Variants in CR1 observed in about 807,000 individuals in gnomAD.
CR1 encodes complement C3b/C4b receptor 1 (Knops blood group).
CR1 carries 116 observed loss-of-function variants against 187.3 expected under a neutral mutation model. The ratio of observed to expected loss-of-function variants is 0.62; its 90% confidence interval spans 0.53 to 0.72. The LOEUF is 0.72. Among genes scored for constraint, CR1 ranks in the 30% least tolerant of loss-of-function variants. The pLI, the probability that CR1 is intolerant of heterozygous loss-of-function variation, is 0.00. For missense variants in CR1, 1,731 were observed against 2,110.7 expected (o/e 0.82, Z 3.52); for synonymous variants, 576 against 747.1 (o/e 0.77, Z 3.73).
chr1:207,599,848 A>G (rs1235345745), intron 35 of CR1, among the ~76,000 whole-genome samples: 3 of 152,234 alleles, frequency 2.0e-5, no homozygotes, highest in East Asian at 3.8e-4. Context: ...GGTGGGAGTG[A>G]CAAAATATAC....
Position 207,641,171 on chromosome 1 carries a change from G to A in CR1, c.*1762G>A, listed in dbSNP as rs982237255. ...TTTAGCAAATCTCTTTTATTTCTTGGGATTTTGAAGAAGTAATTTTTAAAG... is the reference window on the plus strand; with the variant it reads ...TTTAGCAAATCTCTTTTATTTCTTGAGATTTTGAAGAAGTAATTTTTAAAG... On this transcript the variant is annotated 3_prime_UTR_variant, in exon 47 of 47. Transcript: ENST00000367049. 9.2e-5 allele frequency: 14 copies of A among 151,978 alleles called. No individual in the cohort carries two copies. Among genetic ancestry groups the A allele is most frequent in the African/African-American group, 3.1e-4 (13 of 41,378 alleles). The allele number at this position is 151,978 out of a possible 1,614,324, so 9.4% of individuals were successfully genotyped here.
intron 32 of CR1, among the ~76,000 whole-genome samples, chr1:207,582,736 A>G (rs1176557985): frequency 6.6e-6 from 1 of 152,154 alleles, no homozygotes; most frequent in Non-Finnish European, 1.5e-5. Context: ...TTCTGGATAT[A>G]TTTTGAAGGT....
At chr1:207,624,648 T>C (rs1662425782) in intron 45 of CR1, among the ~76,000 whole-genome samples, 1 of 152,176 alleles carries the variant, frequency 6.6e-6, no homozygotes, top group Non-Finnish European at 1.5e-5. Context: ...TAAATATCCA[T>C]CCTTCCTAAC....
intron 46 of CR1, among the ~76,000 whole-genome samples, chr1:207,632,755 G>C (rs975544161): frequency 7.2e-6 from 1 of 139,544 alleles, no homozygotes. Context: ...CCGAGATCGC[G>C]CCACTGTACT....
In CR1 at chr1:207,616,728, G is replaced by T. The variant is rs767050487; in HGVS notation, c.6815G>T (p.Arg2272Leu). The T allele has an allele frequency of 6.2e-7, 1 of 1,613,886 alleles. No homozygotes were observed. The highest frequency in any genetic ancestry group is 2.2e-5 in the East Asian group (1 of 44,884). ...TFNLIGESSI[R>L]CTSDPQGNGV... is the part of the protein sequence containing the mutation. ...AACCTCATTGGGGAGAGCTCCATCC[G>T]CTGCACAAGTGACCCTCAAGGGAAT... is the stretch of plus-strand genomic sequence containing the variant. The change falls in exon 41 of 47, where the codon CGC (arginine) becomes CTC (leucine). Residue 2272 changes from arginine to leucine, a missense_variant. This residue lies in a region of CR1 where 1,312 missense variants were observed against 1,379.6 expected (regional missense o/e 0.95). Coordinates refer to ENST00000367049, the MANE Select transcript of CR1 (RefSeq NM_000651.6).
chr1:207,525,041 C>A (rs1477287654), intron 5 of CR1, among the ~76,000 whole-genome samples: 4 of 151,970 alleles, frequency 2.6e-5, no homozygotes, highest in Admixed American at 6.6e-5. Context: ...GCACGCATAT[C>A]TTCATATGCT....
intron 4 of CR1, among the ~76,000 whole-genome samples, chr1:207,520,186 C>T (rs1487931003): frequency 6.6e-6 from 1 of 152,156 alleles, no homozygotes; most frequent in African/African-American, 2.4e-5. Flanking sequence ...ACCCTTAATG[C>T]CCTTTCTAGT....
chr1:207,633,536 C>T (rs1222907521), intron 46 of CR1, among the ~76,000 whole-genome samples: 1 of 152,162 alleles, frequency 6.6e-6, no homozygotes, highest in Non-Finnish European at 1.5e-5. Flanking sequence ...TGCCTGTTAA[C>T]TCTATTGCAT....
At chr1:207,632,231 T>C (rs1199641132) in intron 46 of CR1, among the ~76,000 whole-genome samples, 2 of 152,212 alleles carry the variant, frequency 1.3e-5, no homozygotes, top group Non-Finnish European at 2.9e-5. Context: ...AAATTCAGAA[T>C]TGATATTTTA....
At chr1:207,508,792 C>A (rs1659527736) in intron 3 of CR1, among the ~76,000 whole-genome samples, 1 of 151,886 alleles carries the variant, frequency 6.6e-6, no homozygotes, top group African/African-American at 2.4e-5. Context: ...TACCCCTTTT[C>A]AGGGAGCAAT....
At chr1:207,592,947 C>A (rs1477436735) in intron 35 of CR1, among the ~76,000 whole-genome samples, 1 of 151,854 alleles carries the variant, frequency 6.6e-6, no homozygotes, top group Non-Finnish European at 1.5e-5. Context: ...TAAGCGAGGA[C>A]ACAAACAAAT....
intron 46 of CR1, among the ~76,000 whole-genome samples, chr1:207,638,645 A>C (rs1453496912): frequency 1.3e-5 from 2 of 152,184 alleles, no homozygotes; most frequent in Non-Finnish European, 2.9e-5. Flanking sequence ...TTCCAACCTT[A>C]ATATAAGGCA....
intron 1 of CR1, among the ~76,000 whole-genome samples, chr1:207,504,817 A>T (rs546829209): frequency 1.3e-5 from 2 of 152,286 alleles, no homozygotes; most frequent in Admixed American, 6.5e-5. Context: ...GGGGTCCTCA[A>T]CCCCTGGGCC....
intron 23 of CR1, among the ~76,000 whole-genome samples, chr1:207,564,531 G>T (rs1660428937): frequency 6.7e-6 from 1 of 150,274 alleles, no homozygotes; most frequent in African/African-American, 2.5e-5. Context: ...CAGGCACGGT[G>T]GCTCACGTGT....
At chr1:207,519,638 A>C (rs1659913100) in intron 4 of CR1, among the ~76,000 whole-genome samples, 1 of 152,232 alleles carries the variant, frequency 6.6e-6, no homozygotes, top group Non-Finnish European at 1.5e-5. Context: ...TGCAAAAAGA[A>C]AAGCTTCAGC....
In CR1 at chr1:207,640,289, C is replaced by G. The variant is rs1253185052; in HGVS notation, c.*880C>G. 1 of 152,138 alleles carries G rather than the reference C, an allele frequency of 6.6e-6. No homozygotes were observed. Among genetic ancestry groups the G allele is most frequent in the Non-Finnish European group, 1.5e-5 (1 of 68,056 alleles). 9.4% of individuals were successfully genotyped at this position (152,138 alleles called of 1,614,324 possible). On this transcript the variant is annotated 3_prime_UTR_variant, in exon 47 of 47. Coordinates refer to ENST00000367049, the MANE Select transcript of CR1 (RefSeq NM_000651.6). ...AGATGGGACTACAGGCACCTGCCAA[C>G]ACGCCCGGCTAATTTTTTTGTATTT...
intron 40 of CR1, 64 bp downstream of exon 40, chr1:207,614,553 C>T: frequency 7.7e-7 from 1 of 1,293,016 alleles, no homozygotes; most frequent in South Asian, 1.2e-5. Flanking sequence ...GCATGTTTTT[C>T]CGCATGGCAT....
intron 4 of CR1, among the ~76,000 whole-genome samples, chr1:207,515,298 TAC>T (rs1659774965): frequency 6.7e-6 from 1 of 149,204 alleles, no homozygotes; most frequent in Non-Finnish European, 1.5e-5. Flanking sequence ...TATACATATA[TAC>T]ACACTATATA....
intron 3 of CR1, 55 bp from the exon 4 acceptor site, chr1:207,511,514 T>C (rs538153309): frequency 4.6e-6 from 7 of 1,536,036 alleles, no homozygotes; most frequent in African/African-American, 1.4e-5. Context: ...AGTAATTTAA[T>C]TGGGTAGTTG....
Sources: gnomAD v4.1 joint callset for allele counts (sites outside exome capture counted in the v4.1 genomes callset) on GRCh38, gnomAD v4.1.1 for gene constraint, gnomAD v4.1.1 regional missense constraint, MANE v1.5 for transcripts, NCBI Gene and HGNC (gene_info 2026-07-23, HGNC 2026-07-21) for gene names.